Variants in MICU3 observed in about 807,000 individuals in gnomAD.
The protein encoded by MICU3 is mitochondrial calcium uptake 3.
A neutral mutation model predicts 66.5 loss-of-function variants in MICU3; 62 were observed. That is an observed-to-expected ratio of 0.93 (90% CI 0.76 to 1.15). The LOEUF is 1.15. Ranked by LOEUF, MICU3 falls within the 50% of genes most tolerant of loss-of-function variation. The pLI, the probability that MICU3 is intolerant of heterozygous loss-of-function variation, is 0.00. For synonymous variants in MICU3, 308 were observed against 240.7 expected (o/e 1.28, Z -2.59); for missense variants, 779 against 664.4 (o/e 1.17, Z -1.90).
downstream of MICU3, among the ~76,000 whole-genome samples, chr8:17,126,395 G>GA (rs530465424): frequency 1.3e-5 from 2 of 151,050 alleles, no homozygotes; most frequent in African/African-American, 2.4e-5. Flanking sequence ...AACCTATACT[G>GA]AAAAAAAAAT....
intron 8 of MICU3, among the ~76,000 whole-genome samples, chr8:17,097,813 A>G (rs900853416): frequency 3.3e-5 from 5 of 151,720 alleles, no homozygotes; most frequent in East Asian, 1.9e-4. Context: ...ACACTTCCTG[A>G]TATCTCCTTC....
At chr8:17,066,545 T>TATATATAGA (rs1563321465) in intron 2 of MICU3, among the ~76,000 whole-genome samples, 23 of 53,952 alleles carry the variant, frequency 4.3e-4, no homozygotes, top group East Asian at 3.7e-3. Context: ...ATATATAGAT[T>TATATATAGA]TTTTTTTTTT....
chr8:17,114,798 C>T (rs933895290), intron 12 of MICU3, among the ~76,000 whole-genome samples: 1 of 152,160 alleles, frequency 6.6e-6, no homozygotes, highest in South Asian at 2.1e-4. Flanking sequence ...CCTGTCTCTG[C>T]CATAATCTGT....
At chr8:17,078,105 AT>A (rs1020463400) in intron 4 of MICU3, among the ~76,000 whole-genome samples, 6 of 151,848 alleles carry the variant, frequency 4.0e-5, no homozygotes, top group African/African-American at 1.2e-4. Flanking sequence ...TATCTTCCAA[AT>A]TTTTTTATAT....
chr8:17,098,486 T>C lies in MICU3; in HGVS notation c.917T>C (p.Val306Ala). The change falls in exon 9 of 15, where the codon GTC (valine) becomes GCC (alanine). Residue 306 changes from valine to alanine, a missense_variant. By Grantham distance (64) the Val-to-Ala change is moderately conservative. Coordinates refer to ENST00000318063, the MANE Select transcript of MICU3 (RefSeq NM_181723.3). ...SVLKTDAEEL[V>A]SRSYWDTLRR... ...CTTAAAACAGATGCTGAGGAACTTG[T>C]CTCCAGAAGCTATTGGGATACACTG... 6.2e-7 allele frequency: 1 copy of C among 1,611,484 alleles called. No individual in the cohort carries two copies. Among genetic ancestry groups the C allele is most frequent in the South Asian group, 1.1e-5 (1 of 91,010 alleles).
At chr8:17,044,099 G>T (rs1814667386) in intron 1 of MICU3, among the ~76,000 whole-genome samples, 1 of 152,122 alleles carries the variant, frequency 6.6e-6, no homozygotes. Context: ...GCAACAATTT[G>T]TGTCTTTGTT....
chr8:17,068,825 A>T (rs751945232), intron 2 of MICU3, among the ~76,000 whole-genome samples: 20 of 152,300 alleles, frequency 1.3e-4, no homozygotes, highest in Non-Finnish European at 2.8e-4. Context: ...AGGTAGAAGA[A>T]GATGTTGGTT....
At chr8:17,085,656 C>T (rs566186403) in intron 6 of MICU3, among the ~76,000 whole-genome samples, 162 of 152,188 alleles carry the variant, frequency 1.1e-3, no homozygotes, top group Middle Eastern at 3.4e-3. Context: ...CACCTAGGCA[C>T]ACAACTCCTT....
chr8:17,031,434 G>A (rs182563153), intron 1 of MICU3, among the ~76,000 whole-genome samples: 50 of 151,384 alleles, frequency 3.3e-4, no homozygotes, highest in African/African-American at 8.5e-4. Context: ...TACAGGCGCC[G>A]GCCACCATGA....
At chr8:17,091,487 A>G (rs1800049605) in intron 8 of MICU3, among the ~76,000 whole-genome samples, 1 of 152,080 alleles carries the variant, frequency 6.6e-6, no homozygotes. Flanking sequence ...AAGTAGGTGT[A>G]TTGTCTCCTG....
chr8:17,092,712 C>A (rs1377129205), intron 8 of MICU3, among the ~76,000 whole-genome samples: 1 of 151,924 alleles, frequency 6.6e-6, no homozygotes, highest in Non-Finnish European at 1.5e-5. Context: ...AAACAAGGGA[C>A]ATTCATTTAC....
intron 5 of MICU3, among the ~76,000 whole-genome samples, chr8:17,084,005 G>A (rs528672692): frequency 2.6e-5 from 4 of 152,210 alleles, no homozygotes; most frequent in African/African-American, 9.6e-5. Context: ...GGATCTTTGG[G>A]TGCTGTGAAG....
chr8:17,027,645 G>A lies in MICU3; in HGVS notation c.366G>A (p.Ala122=). The change falls in exon 1 of 15, where the codon GCG becomes GCA. Residue 122 remains alanine, a synonymous_variant. Transcript: ENST00000318063. ...GGGGGATGCTGCCCATCCCAGTGGC[G>A]GCTGCCAAGGAGACGGTGAGTGCGC... The part of the protein sequence containing the change: ...RGRGMLPIPV[A]AAKETVAIGR... 3.8e-6 allele frequency: 5 copies of A among 1,301,484 alleles called. No homozygotes were observed. Among genetic ancestry groups the A allele is most frequent in the Non-Finnish European group, 4.9e-6 (5 of 1,028,138 alleles). The allele number at this position is 1,301,484 out of a possible 1,614,324, so 80.6% of individuals were successfully genotyped here.
At chr8:17,098,375 G>GCT in intron 8 of MICU3, 83 bp from the exon 9 acceptor site, 4 of 926,526 alleles carry the variant, frequency 4.3e-6, no homozygotes, top group Non-Finnish European at 7.1e-6. Flanking sequence ...CCTTTTCAAG[G>GCT]TTGGTTAGAT....
At chr8:17,123,312 G>A (rs562878972), downstream of MICU3, among the ~76,000 whole-genome samples, 7 of 152,132 alleles carry the variant, frequency 4.6e-5, no homozygotes, top group East Asian at 3.9e-4. Context: ...GTGACTATAC[G>A]CACAGAGAAA....
At chr8:17,088,300 G>A (rs1368712835) in intron 7 of MICU3, among the ~76,000 whole-genome samples, 1 of 151,870 alleles carries the variant, frequency 6.6e-6, no homozygotes, top group Non-Finnish European at 1.5e-5. Context: ...AAAAGGGGCA[G>A]TAGTAGTTCT....
intron 1 of MICU3, among the ~76,000 whole-genome samples, chr8:17,052,000 A>G (rs1025003859): frequency 6.6e-6 from 1 of 152,184 alleles, no homozygotes; most frequent in Non-Finnish European, 1.5e-5. Context: ...GGGCCAGGGC[A>G]GTATTGCTGA....
Position 17,064,283 on chromosome 8 carries a change from A to G in MICU3, c.535+46A>G, listed in dbSNP as rs764694403. Reference sequence around the variant, plus strand: ...ATCTTAATAATTGTATAATTTTTTTATCTCTAGCTTGTGAATGGATGGAGC... The same window carrying G: ...ATCTTAATAATTGTATAATTTTTTTGTCTCTAGCTTGTGAATGGATGGAGC... On this transcript the variant is annotated intron_variant, in intron 2 of 14. Coordinates refer to ENST00000318063, the MANE Select transcript of MICU3 (RefSeq NM_181723.3). 7 of 1,495,760 alleles carry G rather than the reference A, an allele frequency of 4.7e-6. No individual in the cohort carries two copies. In the Admixed American group the frequency reaches 1.3e-4, roughly 28 times the overall value. The allele number at this position is 1,495,760 out of a possible 1,614,324, so 92.7% of individuals were successfully genotyped here. A position where few individuals can be genotyped will look rare whatever the true frequency, so the allele number is the denominator to read the frequency against.
Position 17,104,433 on chromosome 8 carries a change from C to A in MICU3, c.1027C>A (p.Leu343Ile), listed in dbSNP as rs1454833613. 1.4e-6 allele frequency: 2 copies of A among 1,465,430 alleles called. No homozygotes were observed. Among genetic ancestry groups the A allele is most frequent in the Non-Finnish European group, 1.8e-6 (2 of 1,087,650 alleles). 90.8% of individuals were successfully genotyped at this position (1,465,430 alleles called of 1,614,324 possible). A position where few individuals can be genotyped will look rare whatever the true frequency, so the allele number is the denominator to read the frequency against. Residue 343 changes from leucine to isoleucine, a missense_variant, in exon 10 of 15, where the codon CTT becomes ATT. Transcript: ENST00000318063. The stretch of plus-strand genomic sequence containing the variant: ...AAGTTTAGTAACAGATACTACACTT[C>A]TTGTACACTTTTTTGGAAAGAAAGG... Reference protein sequence around the residue: ...ITSLVTDTTLLVHFFGKKGKA... With the variant: ...ITSLVTDTTLIVHFFGKKGKA...
Sources: gnomAD v4.1 joint callset for allele counts (sites outside exome capture counted in the v4.1 genomes callset) on GRCh38, gnomAD v4.1.1 for gene constraint, MANE v1.5 for transcripts, NCBI Gene and HGNC (gene_info 2026-07-23, HGNC 2026-07-21) for gene names.